BMAL1: variants seen among roughly 807,000 people sequenced by gnomAD.
The protein encoded by BMAL1 is basic helix-loop-helix ARNT like 1, also known as basic helix-loop-helix ARNT-like protein 1.
the BMAL1 span, chr11:13,387,249 T>C: frequency 2.0e-5 from 3 of 152,722 alleles, no homozygotes; most frequent in Non-Finnish European, 4.4e-5. Context: ...TTAATAAATG[T>C]TTCCCTTGTT....
the BMAL1 span, among the ~76,000 whole-genome samples, chr11:13,355,835 T>C: frequency 1.3e-5 from 2 of 152,196 alleles, no homozygotes; most frequent in Non-Finnish European, 2.9e-5. Context: ...GCCCATGATA[T>C]GATCCAGTGC....
the BMAL1 span, among the ~76,000 whole-genome samples, chr11:13,309,005 T>A: frequency 2.0e-4 from 30 of 152,300 alleles, no homozygotes; most frequent in African/African-American, 7.2e-4. Flanking sequence ...CTTGTGGTAA[T>A]GGTTGAATAA....
the BMAL1 span, among the ~76,000 whole-genome samples, chr11:13,325,634 C>G: frequency 1.1e-4 from 16 of 144,092 alleles, no homozygotes; most frequent in African/African-American, 4.0e-4. Context: ...GCCATGCTGT[C>G]TGGTGCTGCC....
chr11:13,342,751 G>C, the BMAL1 span, among the ~76,000 whole-genome samples: 86 of 152,326 alleles, frequency 5.6e-4, no homozygotes, highest in African/African-American at 2.0e-3. Context: ...CCTCTGGACT[G>C]TGCCCATTTC....
At chr11:13,367,727 AGAAT>A in the BMAL1 span, among the ~76,000 whole-genome samples, 2 of 150,844 alleles carry the variant, frequency 1.3e-5, no homozygotes, top group African/African-American at 4.9e-5. Flanking sequence ...AAAAAAAAAA[AGAAT>A]GAGAACACAA....
chr11:13,327,011 G>A, the BMAL1 span, among the ~76,000 whole-genome samples: 6 of 151,918 alleles, frequency 3.9e-5, no homozygotes, highest in South Asian at 4.2e-4. Flanking sequence ...TAGTAGAGAC[G>A]GGGTTTCACC....
chr11:13,364,040 G>T, the BMAL1 span, among the ~76,000 whole-genome samples: 2 of 152,170 alleles, frequency 1.3e-5, no homozygotes, highest in African/African-American at 4.8e-5. Flanking sequence ...TACCTCCAGG[G>T]TGTCACAGTT....
chr11:13,355,108 G>C, the BMAL1 span: 1 of 813,400 alleles, frequency 1.2e-6, no homozygotes, highest in Admixed American at 2.4e-5. Context: ...ATTTTGTTTT[G>C]CCGAAGCACC....
the BMAL1 span, chr11:13,378,543 T>C: frequency 6.6e-7 from 1 of 1,522,566 alleles, no homozygotes. Flanking sequence ...GGAGACATTT[T>C]TGGTCTTCAC....
chr11:13,300,673 T>G, the BMAL1 span, among the ~76,000 whole-genome samples: 3 of 152,186 alleles, frequency 2.0e-5, no homozygotes, highest in African/African-American at 7.2e-5. Context: ...AGAAATGCCC[T>G]AAAACAAGAA....
the BMAL1 span, among the ~76,000 whole-genome samples, chr11:13,280,922 C>G: frequency 6.6e-6 from 1 of 152,164 alleles, no homozygotes; most frequent in Non-Finnish European, 1.5e-5. Context: ...TGGGCAAGTG[C>G]CTGGGCTCTG....
chr11:13,302,970 G>A, the BMAL1 span, among the ~76,000 whole-genome samples: 1 of 152,178 alleles, frequency 6.6e-6, no homozygotes, highest in South Asian at 2.1e-4. Flanking sequence ...ACCCAGTCTT[G>A]TCCTCTGGCC....
At chr11:13,373,933 A>C in the BMAL1 span, among the ~76,000 whole-genome samples, 1 of 152,144 alleles carries the variant, frequency 6.6e-6, no homozygotes. Flanking sequence ...AAAAAAAGAG[A>C]GAAAGATCCA....
chr11:13,288,417 T>TCTTTCTTTCTTTCTTTCTTTCTTTCTTTC, the BMAL1 span, among the ~76,000 whole-genome samples: 1 of 44,380 alleles, frequency 2.3e-5, no homozygotes, highest in Non-Finnish European at 5.2e-5. Flanking sequence ...TTTCTTTCTT[T>TCTTTCTTTCTTTCTTTCTTTCTTTCTTTC]TTTTTTCTTT....
chr11:13,315,695 G>T, the BMAL1 span, among the ~76,000 whole-genome samples: 2 of 152,192 alleles, frequency 1.3e-5, no homozygotes, highest in Non-Finnish European at 2.9e-5. Context: ...GGTTTGTGTG[G>T]TTATTTGATT....
the BMAL1 span, among the ~76,000 whole-genome samples, chr11:13,297,451 C>A: frequency 1.3e-5 from 2 of 152,156 alleles, no homozygotes; most frequent in Non-Finnish European, 2.9e-5. Context: ...GCCTGTGGGC[C>A]GGCAGTGAGG....
At chr11:13,385,096 G>A in the BMAL1 span, among the ~76,000 whole-genome samples, 18 of 152,184 alleles carry the variant, frequency 1.2e-4, no homozygotes, top group Non-Finnish European at 2.4e-4. Context: ...TCTTCTTTGA[G>A]ACTCAGCCAG....
chr11:13,322,829 A>C, the BMAL1 span, among the ~76,000 whole-genome samples: 15 of 119,908 alleles, frequency 1.3e-4, no homozygotes, highest in South Asian at 4.0e-3. Flanking sequence ...TTGCTCTGTC[A>C]CCCAGGCTGG....
At chr11:13,312,562 T>G in the BMAL1 span, among the ~76,000 whole-genome samples, 5 of 152,194 alleles carry the variant, frequency 3.3e-5, no homozygotes, top group African/African-American at 1.2e-4. Flanking sequence ...GCAGCAGCCT[T>G]GGGCTTGGAA....
Sources: allele counts gnomAD v4.1 joint callset (sites outside exome capture counted in the v4.1 genomes callset), GRCh38; gene constraint gnomAD v4.1.1; transcripts MANE v1.5; gene names NCBI Gene and HGNC (gene_info 2026-07-23, HGNC 2026-07-21).